The following STK32B variants were observed in gnomAD, a reference collection of about 807,000 sequenced individuals.
STK32B encodes serine/threonine-protein kinase 32B.
STK32B carries 43 observed loss-of-function variants against 52.6 expected under a neutral mutation model. That is an observed-to-expected ratio of 0.82 (90% CI 0.64 to 1.05). STK32B has a LOEUF of 1.05. Among genes scored for constraint, STK32B ranks in the 50% least tolerant of loss-of-function variants. STK32B has a pLI of 0.00. For missense variants in STK32B, 621 were observed against 534.6 expected, an observed-to-expected ratio of 1.16 and a Z score of -1.59; for synonymous variants, 238 against 204.3, an observed-to-expected ratio of 1.17 and a Z score of -1.41.
At chr4:5,059,955 T>C (rs1742154236) in intron 1 of STK32B, among the ~76,000 whole-genome samples, 1 of 152,166 alleles carries the variant, frequency 6.6e-6, no homozygotes, top group Admixed American at 6.5e-5. Context: ...GGAGAGTTTG[T>C]GAAGGACTGT....
chr4:5,183,472 C>G (rs559581768), intron 3 of STK32B, among the ~76,000 whole-genome samples: 4 of 145,904 alleles, frequency 2.7e-5, no homozygotes, highest in African/African-American at 1.0e-4. Context: ...AGCAAAACTC[C>G]ATCTCAAAAA....
At chr4:5,406,437 T>C (rs1415042480) in intron 5 of STK32B, among the ~76,000 whole-genome samples, 4 of 152,170 alleles carry the variant, frequency 2.6e-5, no homozygotes, top group Non-Finnish European at 4.4e-5. Flanking sequence ...GTGGGGACTT[T>C]CTGTGGGGGC....
At chr4:5,078,882 A>G (rs1391324033) in intron 1 of STK32B, among the ~76,000 whole-genome samples, 1 of 152,236 alleles carries the variant, frequency 6.6e-6, no homozygotes. Context: ...AATTGGTGCT[A>G]GCACCGGTTT....
chr4:5,356,312 G>A (rs1036142725), intron 4 of STK32B, among the ~76,000 whole-genome samples: 1 of 152,058 alleles, frequency 6.6e-6, no homozygotes, highest in Admixed American at 6.5e-5. Flanking sequence ...CCAGTCATTG[G>A]ATTTAGGACC....
At chr4:5,205,704 G>GC (rs1491373538) in intron 3 of STK32B, among the ~76,000 whole-genome samples, 536 of 22,380 alleles carry the variant, frequency 0.024, 6 homozygotes, top group South Asian at 0.053. Flanking sequence ...GCGCGCGCGC[G>GC]TGTGTGTGTG....
chr4:5,299,245 C>T (rs1729401076), intron 3 of STK32B, among the ~76,000 whole-genome samples: 1 of 152,060 alleles, frequency 6.6e-6, no homozygotes, highest in African/African-American at 2.4e-5. Flanking sequence ...CCTATTCAGC[C>T]ATCTTGCCAG....
At chr4:5,251,471 G>T (rs2108832789) in intron 3 of STK32B, among the ~76,000 whole-genome samples, 1 of 152,188 alleles carries the variant, frequency 6.6e-6, no homozygotes, top group African/African-American at 2.4e-5. Flanking sequence ...ATGCTATTTT[G>T]TTTACTGTAG....
chr4:5,319,427 A>G (rs79056531), intron 3 of STK32B, among the ~76,000 whole-genome samples: 3,595 of 152,220 alleles, frequency 0.024, 139 homozygotes, highest in African/African-American at 0.081. Flanking sequence ...CCAAAACTCA[A>G]ATCTGACAAG....
intron 3 of STK32B, among the ~76,000 whole-genome samples, chr4:5,173,444 G>T (rs1346502172): frequency 6.6e-6 from 1 of 151,932 alleles, no homozygotes; most frequent in Non-Finnish European, 1.5e-5. Context: ...GGCATTTAGT[G>T]CTATAAATTT....
At chr4:5,498,801 G>A (rs1036172045) in intron 11 of STK32B, 144 bp from the exon 12 acceptor site, 14 of 1,246,158 alleles carry the variant, frequency 1.1e-5, no homozygotes, top group Admixed American at 3.3e-5. Flanking sequence ...ACAGCACCGT[G>A]GATGCCTTAA....
chr4:5,464,443 G>A (rs1717278826), intron 9 of STK32B, among the ~76,000 whole-genome samples: 1 of 152,224 alleles, frequency 6.6e-6, no homozygotes, highest in African/African-American at 2.4e-5. Flanking sequence ...AGAACACTCT[G>A]TCGCAGTGCG....
intron 3 of STK32B, among the ~76,000 whole-genome samples, chr4:5,296,059 T>C (rs1036676267): frequency 2.0e-5 from 3 of 152,234 alleles, no homozygotes; most frequent in Admixed American, 6.5e-5. Flanking sequence ...TCAGTTTCCA[T>C]GTAGTCGTGT....
At chr4:5,457,216 T>TC (rs1491450495) in intron 8 of STK32B, among the ~76,000 whole-genome samples, 42 of 141,680 alleles carry the variant, frequency 3.0e-4, no homozygotes, top group East Asian at 2.5e-3. Flanking sequence ...TTTTTTCTTT[T>TC]TTTTTTTTTT....
At chr4:5,349,586 G>A (rs920628310) in intron 4 of STK32B, among the ~76,000 whole-genome samples, 1 of 152,026 alleles carries the variant, frequency 6.6e-6, no homozygotes, top group African/African-American at 2.4e-5. Context: ...GAAAAAGCAA[G>A]GAAATATGAA....
chr4:5,038,283 C>T, the STK32B span, among the ~76,000 whole-genome samples: 1 of 152,172 alleles, frequency 6.6e-6, no homozygotes, highest in Non-Finnish European at 1.5e-5. Context: ...CAATGATGAC[C>T]TTGGCCTCAA....
At chr4:5,309,691 T>C (rs939354399) in intron 3 of STK32B, among the ~76,000 whole-genome samples, 2 of 152,200 alleles carry the variant, frequency 1.3e-5, no homozygotes, top group South Asian at 4.1e-4. Context: ...TTGCAGAAAA[T>C]GAACCTAGAC....
intron 4 of STK32B, among the ~76,000 whole-genome samples, chr4:5,371,430 C>G (rs879900645): frequency 6.6e-6 from 1 of 152,058 alleles, no homozygotes; most frequent in African/African-American, 2.4e-5. Flanking sequence ...TTTAGCAAAC[C>G]AAAGATGGGT....
the STK32B span, among the ~76,000 whole-genome samples, chr4:5,019,930 G>T: frequency 1.3e-5 from 2 of 152,282 alleles, no homozygotes; most frequent in South Asian, 2.1e-4. Flanking sequence ...CAGGCAGCCC[G>T]CAGTGGAGCA....
intron 3 of STK32B, among the ~76,000 whole-genome samples, chr4:5,321,762 G>A (rs1007319501): frequency 7.9e-5 from 12 of 152,150 alleles, no homozygotes; most frequent in African/African-American, 2.4e-4. Flanking sequence ...CGGGGGCACC[G>A]TGGACCTGAA....
Sources: gnomAD v4.1 joint callset for allele counts (sites outside exome capture counted in the v4.1 genomes callset) on GRCh38, gnomAD v4.1.1 for gene constraint, MANE v1.5 for transcripts, NCBI Gene and HGNC (gene_info 2026-07-23, HGNC 2026-07-21) for gene names.